The following EYS variants were observed in gnomAD, a reference collection of about 807,000 sequenced individuals.
The protein encoded by EYS is EGF-like photoreceptor maintenance factor, also known as protein eyes shut homolog.
Under a neutral mutation model 282.1 loss-of-function variants are expected in EYS, and 250 were observed. The ratio of observed to expected loss-of-function variants is 0.89; its 90% confidence interval spans 0.80 to 0.98. The LOEUF (loss-of-function observed/expected upper bound fraction) is 0.98. Ranked by LOEUF, EYS falls within the 50% of genes least tolerant of loss-of-function variation. The pLI is 0.00. For synonymous variants in EYS, 1,355 were observed against 1,282.9 expected, an observed-to-expected ratio of 1.06 and a Z score of -1.20; for missense variants, 4,016 against 3,709.0, an observed-to-expected ratio of 1.08 and a Z score of -2.15.
chr6:65,663,667 T>TA (rs1279230963), intron 1 of EYS, among the ~76,000 whole-genome samples: 1 of 151,922 alleles, frequency 6.6e-6, no homozygotes, highest in Non-Finnish European at 1.5e-5. Context: ...CATTAGTAGA[T>TA]AAAATCTTTA....
rs144053606 is a variant in EYS, at chr6:64,704,557, T to C, written c.3444-78312A>G. Among the ~76,000 whole-genome samples, 262 of 94,458 alleles carry C rather than the reference T, an allele frequency of 2.8e-3. 8 individuals carry two copies. In the East Asian group the frequency reaches 0.072, roughly 26 times the overall value. 62.0% of individuals were successfully genotyped at this position (94,458 alleles called of 152,430 possible). On this transcript the variant is annotated intron_variant, in intron 22 of 42. Coordinates refer to ENST00000503581, the MANE Select transcript of EYS (RefSeq NM_001142800.2). ...AATAATATTATAATTATAATACTTA[T>C]AATACTCTCATTGAAAGTAGATTTG...
At chr6:63,991,483 A>G (rs1168008719) in intron 34 of EYS, among the ~76,000 whole-genome samples, 1 of 151,722 alleles carries the variant, frequency 6.6e-6, no homozygotes, top group Admixed American at 6.6e-5. Flanking sequence ...TGCTGAACAA[A>G]GTGAAACTAT....
intron 31 of EYS, among the ~76,000 whole-genome samples, chr6:64,089,771 T>C (rs1772290981): frequency 6.6e-6 from 1 of 152,034 alleles, no homozygotes; most frequent in Non-Finnish European, 1.5e-5. Context: ...GCTACATCTA[T>C]TTTTCCCCCA....
intron 30 of EYS, among the ~76,000 whole-genome samples, chr6:64,285,859 C>T (rs993137458): frequency 1.3e-5 from 2 of 152,068 alleles, no homozygotes; most frequent in Non-Finnish European, 2.9e-5. Flanking sequence ...ATGGGGGAAA[C>T]CGCCCCATGA....
At chr6:63,938,331 G>A (rs1765134111) in intron 35 of EYS, among the ~76,000 whole-genome samples, 1 of 152,132 alleles carries the variant, frequency 6.6e-6, no homozygotes, top group Non-Finnish European at 1.5e-5. Context: ...GTCCTTATAG[G>A]ATTTCAGGAT....
At chr6:65,180,050 G>T (rs1036158039) in intron 12 of EYS, among the ~76,000 whole-genome samples, 1 of 150,838 alleles carries the variant, frequency 6.6e-6, no homozygotes, top group Admixed American at 6.6e-5. Context: ...TTGATGGGAC[G>T]TATCTCAAAA....
intron 30 of EYS, among the ~76,000 whole-genome samples, chr6:64,231,732 A>G (rs890125967): frequency 6.6e-6 from 1 of 152,130 alleles, no homozygotes; most frequent in Non-Finnish European, 1.5e-5. Context: ...CCTCCACACA[A>G]AAGTTTCTCA....
At chr6:64,527,607 T>A (rs924712288) in intron 26 of EYS, among the ~76,000 whole-genome samples, 1 of 151,792 alleles carries the variant, frequency 6.6e-6, no homozygotes, top group African/African-American at 2.4e-5. Flanking sequence ...TACAATTCAA[T>A]GAAATATGAC....
chr6:64,941,783 C>T (rs1769099074), intron 15 of EYS, among the ~76,000 whole-genome samples: 2 of 152,124 alleles, frequency 1.3e-5, no homozygotes, highest in South Asian at 4.1e-4. Flanking sequence ...CTGCAAAGAA[C>T]ATGACTTTGT....
chr6:64,429,051 C>T (rs11963315), intron 28 of EYS, among the ~76,000 whole-genome samples: 56,012 of 151,764 alleles, frequency 0.37, 11,067 homozygotes, highest in African/African-American at 0.52. Flanking sequence ...TGAACTTCCA[C>T]AGAATAATAA....
At chr6:64,709,699 T>C (rs1410295451) in intron 22 of EYS, among the ~76,000 whole-genome samples, 1 of 152,226 alleles carries the variant, frequency 6.6e-6, no homozygotes, top group Non-Finnish European at 1.5e-5. Context: ...AGGAGCTAGA[T>C]GCCACATATG....
At chr6:64,400,362 G>A (rs2150435726) in intron 28 of EYS, 1 of 152,096 alleles carries the variant, frequency 6.6e-6, no homozygotes, top group African/African-American at 2.4e-5. Context: ...TGAATACAAG[G>A]ATGGCACATC....
intron 12 of EYS, among the ~76,000 whole-genome samples, chr6:65,094,998 A>G (rs1774697351): frequency 2.0e-5 from 3 of 151,338 alleles, no homozygotes; most frequent in African/African-American, 7.3e-5. Context: ...TAAAAAAAAT[A>G]GGAGATATTA....
chr6:64,621,165 A>G (rs965756382), intron 23 of EYS, among the ~76,000 whole-genome samples: 1 of 152,186 alleles, frequency 6.6e-6, no homozygotes, highest in African/African-American at 2.4e-5. Context: ...TGAAGACTAA[A>G]CCAAATCTTT....
At chr6:65,578,616 T>A (rs538381344) in intron 2 of EYS, among the ~76,000 whole-genome samples, 1 of 151,908 alleles carries the variant, frequency 6.6e-6, no homozygotes, top group African/African-American at 2.4e-5. Flanking sequence ...TTAAAAAAAA[T>A]GATAAGTGTG....
chr6:65,392,048 C>T (rs1430011806), intron 7 of EYS, among the ~76,000 whole-genome samples: 2 of 152,110 alleles, frequency 1.3e-5, no homozygotes, highest in East Asian at 1.9e-4. Context: ...TTTGACAAAC[C>T]TGAGAGAAAC....
intron 41 of EYS, among the ~76,000 whole-genome samples, chr6:63,743,563 A>C (rs1227668196): frequency 1.3e-5 from 2 of 152,210 alleles, no homozygotes; most frequent in African/African-American, 4.8e-5. Flanking sequence ...GTAACCAAGC[A>C]TTCAAGTTGT....
intron 28 of EYS, among the ~76,000 whole-genome samples, chr6:64,406,925 T>G (rs2150440454): frequency 6.6e-6 from 1 of 152,050 alleles, no homozygotes. Context: ...AACTAGAAAA[T>G]TGACCCAGCA....
intron 2 of EYS, among the ~76,000 whole-genome samples, chr6:65,559,355 C>T (rs942835886): frequency 2.3e-4 from 35 of 151,986 alleles, no homozygotes; most frequent in African/African-American, 8.2e-4. Flanking sequence ...GCACTCCAGC[C>T]TGTGCAAGAG....
Sources: allele counts gnomAD v4.1 joint callset (sites outside exome capture counted in the v4.1 genomes callset), GRCh38; gene constraint gnomAD v4.1.1; transcripts MANE v1.5; gene names NCBI Gene and HGNC (gene_info 2026-07-23, HGNC 2026-07-21).